HCN4: variants seen among roughly 807,000 people sequenced by gnomAD.
The protein encoded by HCN4 is hyperpolarization activated cyclic nucleotide gated potassium channel 4.
HCN4 carries 29 observed loss-of-function variants against 76.9 expected under a neutral mutation model. That is an observed-to-expected ratio of 0.38 (90% CI 0.28 to 0.51). The LOEUF (loss-of-function observed/expected upper bound fraction) is 0.51, where lower values mean the gene tolerates loss of function less well. HCN4 is among the 20% of genes least tolerant of loss of function. The probability of loss-of-function intolerance (pLI) is 0.90; values close to 1 mark genes in which losing one functional copy is unlikely to be tolerated. For missense variants in HCN4, 1,416 were observed against 1,715.2 expected (o/e 0.83, Z 3.08); for synonymous variants, 772 against 762.5 (o/e 1.01, Z -0.21).
intron 1 of HCN4, among the ~76,000 whole-genome samples, chr15:73,345,952 C>T (rs2043028072): frequency 6.6e-6 from 1 of 152,180 alleles, no homozygotes; most frequent in African/African-American, 2.4e-5. Flanking sequence ...CTCTAGTTCC[C>T]TCAATTACAG....
At chr15:73,336,739 A>G (rs1332353270) in intron 2 of HCN4, among the ~76,000 whole-genome samples, 2 of 151,882 alleles carry the variant, frequency 1.3e-5, no homozygotes, top group Admixed American at 6.6e-5. Context: ...TATGACCCCA[A>G]TCTAAACACC....
Position 73,329,524 on chromosome 15 carries a change from C to T in HCN4, c.1590+49G>A, listed in dbSNP as rs768717847. The T allele has an allele frequency of 5.2e-5, 82 of 1,564,618 alleles. No homozygotes were observed. The East Asian group carries it at 1.3e-3, about 24-fold the overall frequency. The stretch of plus-strand genomic sequence containing the variant: ...GGGGCCCACTGGCTGGTGGCCTGTG[C>T]TCCCTCTTGGGAGGGACCAATGTGC... On this transcript the variant is annotated intron_variant, in intron 4 of 7. Transcript: ENST00000261917.
intron 1 of HCN4, among the ~76,000 whole-genome samples, chr15:73,354,592 G>A (rs958396708): frequency 2.6e-5 from 4 of 152,220 alleles, no homozygotes; most frequent in African/African-American, 9.6e-5. Flanking sequence ...CGGTGGCTAG[G>A]TGCTCTGCTG....
chr15:73,326,594 C>G (rs946745557), intron 4 of HCN4, among the ~76,000 whole-genome samples: 1 of 151,976 alleles, frequency 6.6e-6, no homozygotes, highest in East Asian at 1.9e-4. Context: ...TGAAGTGGTC[C>G]AGGTGAGAGA....
In HCN4 at chr15:73,343,779, A is replaced by G. The variant is rs1394945482; in HGVS notation, c.815T>C (p.Leu272Pro). 6.2e-7 allele frequency: 1 copy of G among 1,614,066 alleles called. No individual in the cohort carries two copies. The highest frequency in any genetic ancestry group is 8.5e-7 in the Non-Finnish European group (1 of 1,180,040). The part of the protein sequence containing the change: ...RFYWDLTMLL[L>P]MVGNLIIIPV... The stretch of plus-strand genomic sequence containing the variant: ...AATGATAATCAGGTTTCCCACCATC[A>G]GCAGCAGCATGGTCAGGTCCCAGTA... Residue 272 changes from leucine to proline, a missense_variant, in exon 2 of 8, where the codon CTG becomes CCG. Coordinates refer to ENST00000261917, the MANE Select transcript of HCN4 (RefSeq NM_005477.3). The surrounding 1 kb of genome is among the most constrained non-coding windows in gnomAD (Gnocchi z 5.7).
rs778276793 is a variant in HCN4 at position 73,343,499 on chromosome 15, C to T, written c.1095G>A (p.Ser365=). 2.4e-5 allele frequency: 38 copies of T among 1,614,042 alleles called. No homozygotes were observed. The highest frequency in any genetic ancestry group is 3.3e-5 in the South Asian group (3 of 91,086). ...GGGCCCGGGCAGTCTTGTAGACCTC[C>T]GAGTCGATGCGTGTCTCCACAATGA... ...IFLIVETRID[S]EVYKTARALR... The change falls in exon 2 of 8, where the codon TCG becomes TCA. Residue 365 remains serine, a synonymous_variant. Coordinates refer to ENST00000261917, the MANE Select transcript of HCN4 (RefSeq NM_005477.3). This position sits in a 1 kb window ranked among gnomAD's most constrained non-coding sequence, Gnocchi z 5.7.
chr15:73,323,058 C>A lies in HCN4; in HGVS notation c.3035G>T (p.Gly1012Val). 1 of 1,536,184 alleles carries A rather than the reference C, an allele frequency of 6.5e-7. No individual in the cohort carries two copies. Among genetic ancestry groups the A allele is most frequent in the Non-Finnish European group, 8.7e-7 (1 of 1,147,270 alleles). The change falls in exon 8 of 8, where the codon GGG becomes GTG. Residue 1012 changes from glycine to valine, a missense_variant. Coordinates refer to ENST00000261917, the MANE Select transcript of HCN4 (RefSeq NM_005477.3). The stretch of plus-strand genomic sequence containing the variant: ...AGTAAAGCCTACAGGGGAAGCCCCC[C>A]CAGAGGCCCCTGCCACAAGGGACGG... ...EPPSLVAGAS[G>V]GASPVGFTPR...
intron 1 of HCN4, among the ~76,000 whole-genome samples, chr15:73,345,753 A>G (rs2043026902): frequency 6.6e-6 from 1 of 152,146 alleles, no homozygotes; most frequent in Admixed American, 6.6e-5. Context: ...TCCTGGGAAA[A>G]ACAAAAGAAA....
intron 1 of HCN4, among the ~76,000 whole-genome samples, chr15:73,349,951 C>A (rs1169897298): frequency 6.6e-6 from 1 of 152,192 alleles, no homozygotes; most frequent in Non-Finnish European, 1.5e-5. Context: ...TTGACCCAGA[C>A]AACACCTTGG....
chr15:73,337,473 G>A (rs776859578), intron 2 of HCN4, among the ~76,000 whole-genome samples: 5 of 152,214 alleles, frequency 3.3e-5, no homozygotes, highest in Admixed American at 6.5e-5. Flanking sequence ...CACAGTAACT[G>A]CTCCTTTGGA....
chr15:73,337,647 C>G (rs940569893), intron 2 of HCN4, among the ~76,000 whole-genome samples: 3 of 152,200 alleles, frequency 2.0e-5, no homozygotes, highest in Non-Finnish European at 2.9e-5. Flanking sequence ...ATGAACACGG[C>G]ACAGAGCATG....
At position 73,322,435 on chromosome 15, in the gene HCN4, A is replaced by G; in HGVS notation, c.*46T>C. 1 of 1,422,158 alleles carries G rather than the reference A, an allele frequency of 7.0e-7. No individual in the cohort carries two copies. The highest frequency in any genetic ancestry group is 9.7e-7 in the Non-Finnish European group (1 of 1,033,174). The allele number at this position is 1,422,158 out of a possible 1,614,324, so 88.1% of individuals were successfully genotyped here. ...AATCACAGTTAAACCTGAAGGAAGAAGGAAGGGAGAGAAAAGAAGAAAGAA... is the reference window on the plus strand; with the variant it reads ...AATCACAGTTAAACCTGAAGGAAGAGGGAAGGGAGAGAAAAGAAGAAAGAA... On this transcript the variant is annotated 3_prime_UTR_variant, in exon 8 of 8. Coordinates refer to ENST00000261917, the MANE Select transcript of HCN4 (RefSeq NM_005477.3).
chr15:73,337,373 C>T (rs978152398), intron 2 of HCN4, among the ~76,000 whole-genome samples: 8 of 152,194 alleles, frequency 5.3e-5, no homozygotes, highest in South Asian at 2.1e-4. Context: ...TGAATAAATG[C>T]GCGTACATCT....
chr15:73,348,834 C>G (rs1028041927), intron 1 of HCN4, among the ~76,000 whole-genome samples: 1 of 152,252 alleles, frequency 6.6e-6, no homozygotes, highest in African/African-American at 2.4e-5. Context: ...AGCTCCCACT[C>G]AGTGCCACTC....
chr15:73,322,900 C>G lies in HCN4; in HGVS notation c.3193G>C (p.Val1065Leu). 2 of 1,430,712 alleles carry G rather than the reference C, an allele frequency of 1.4e-6. No homozygotes were observed. The highest frequency in any genetic ancestry group is 9.2e-7 in the Non-Finnish European group (1 of 1,085,676). The allele number at this position is 1,430,712 out of a possible 1,614,324, so 88.6% of individuals were successfully genotyped here. A position where few individuals can be genotyped will look rare whatever the true frequency, so the allele number is the denominator to read the frequency against. Residue 1065 changes from valine to leucine, a missense_variant, in exon 8 of 8, where the codon GTC (valine) becomes CTC (leucine). Coordinates refer to ENST00000261917, the MANE Select transcript of HCN4 (RefSeq NM_005477.3). ...PPASSPPPPQ[V>L]PQRRGTPPLT... ...GGGGGTGTGCCCCGGCGCTGGGGGA[C>G]CTGGGGTGGTGGGGGGCTGGATGCA... is the stretch of plus-strand genomic sequence containing the variant.
chr15:73,332,109 G>A, intron 3 of HCN4, 22 bp downstream of exon 3: 2 of 1,612,192 alleles, frequency 1.2e-6, no homozygotes, highest in South Asian at 1.1e-5. Flanking sequence ...CCCAGAGAGA[G>A]GACCGGGCTG....
intron 3 of HCN4, among the ~76,000 whole-genome samples, 160 bp downstream of exon 3, chr15:73,331,971 A>C (rs1353819917): frequency 6.6e-6 from 1 of 152,158 alleles, no homozygotes; most frequent in Non-Finnish European, 1.5e-5. Flanking sequence ...GCAGCAAGCG[A>C]TTGGGCCTGT....
intron 3 of HCN4, among the ~76,000 whole-genome samples, chr15:73,331,576 G>T (rs563844184): frequency 6.6e-6 from 1 of 152,260 alleles, no homozygotes; most frequent in African/African-American, 2.4e-5. Context: ...GGACACATGT[G>T]CTTGCCACCA....
chr15:73,362,496 C>T (rs932362276), intron 1 of HCN4, among the ~76,000 whole-genome samples: 1 of 152,252 alleles, frequency 6.6e-6, no homozygotes, highest in African/African-American at 2.4e-5. Flanking sequence ...TGAACAAGAT[C>T]GCCGGGTGAG....
Sources: allele counts gnomAD v4.1 joint callset (sites outside exome capture counted in the v4.1 genomes callset), GRCh38; gene constraint gnomAD v4.1.1; non-coding constraint Gnocchi (gnomAD v3.1); transcripts MANE v1.5; gene names NCBI Gene and HGNC (gene_info 2026-07-23, HGNC 2026-07-21).